RGSL1: variants seen among roughly 807,000 people sequenced by gnomAD.
RGSL1 encodes regulator of G protein signaling protein-like.
A neutral mutation model predicts 124.7 loss-of-function variants in RGSL1; 97 were observed. That is an observed-to-expected ratio of 0.78 (90% confidence interval 0.66 to 0.92). RGSL1 has a LOEUF of 0.92. Ranked by LOEUF, RGSL1 falls within the 40% of genes least tolerant of loss-of-function variation. RGSL1 has a pLI of 0.00. For missense variants in RGSL1, 1,233 were observed against 1,288.4 expected (o/e 0.96, Z 0.66); for synonymous variants, 424 against 438.1 (o/e 0.97, Z 0.40).
At chr1:182,553,571 T>C in intron 19 of RGSL1, 30 bp downstream of exon 19, 2 of 1,538,072 alleles carry the variant, frequency 1.3e-6, no homozygotes, top group Non-Finnish European at 1.8e-6. Flanking sequence ...CCACTGATAG[T>C]TTGCTACTCA....
intron 9 of RGSL1, 101 bp from the exon 10 acceptor site, chr1:182,521,903 T>C (rs1341275012): frequency 2.5e-6 from 2 of 791,714 alleles, no homozygotes; most frequent in African/African-American, 3.5e-5. Flanking sequence ...GGGACAGGGA[T>C]TTTTTCACAT....
At chr1:182,554,556 G>A in intron 19 of RGSL1, 71 bp from the exon 20 acceptor site, 1 of 1,352,762 alleles carries the variant, frequency 7.4e-7, no homozygotes, top group Non-Finnish European at 1.0e-6. Context: ...GGTCCTCCAG[G>A]GTGGAGGCCT....
In RGSL1 at chr1:182,525,463, G is replaced by A. The variant is rs548522898; in HGVS notation, c.1932-2116G>A. Among the ~76,000 whole-genome samples, 362 of 152,070 alleles carry A rather than the reference G, an allele frequency of 2.4e-3. 1 individual carries two copies. The highest frequency in any genetic ancestry group is 8.0e-3 in the African/African-American group (330 of 41,508). ...TGAGATAGAAATTATAAAATATAAT[G>A]AAAAAATCTGGAGTTGAAAAGTACA... On this transcript the variant is annotated intron_variant, in intron 10 of 21. Coordinates refer to ENST00000294854, the MANE Select transcript of RGSL1 (RefSeq NM_001137669.2).
intron 13 of RGSL1, among the ~76,000 whole-genome samples, chr1:182,531,864 G>T (rs1039698657): frequency 6.6e-6 from 1 of 152,144 alleles, no homozygotes; most frequent in African/African-American, 2.4e-5. Flanking sequence ...CAACCCTGAA[G>T]GCTATTGTTT....
chr1:182,475,845 C>G (rs1449001079), intron 6 of RGSL1, among the ~76,000 whole-genome samples: 1 of 152,148 alleles, frequency 6.6e-6, no homozygotes, highest in Non-Finnish European at 1.5e-5. Context: ...TAAAAAACAT[C>G]AAATTATTTA....
At chr1:182,462,838 T>TTC (rs1652957216) in intron 4 of RGSL1, among the ~76,000 whole-genome samples, 2 of 152,090 alleles carry the variant, frequency 1.3e-5, no homozygotes, top group African/African-American at 4.8e-5. Context: ...GCAAGGAAAA[T>TTC]AGCTACAGAA....
intron 4 of RGSL1, among the ~76,000 whole-genome samples, chr1:182,464,377 T>C (rs1441173700): frequency 2.6e-5 from 4 of 152,096 alleles, no homozygotes; most frequent in Admixed American, 1.3e-4. Context: ...AGATCAAAAA[T>C]TGGTCCTTTG....
intron 9 of RGSL1, among the ~76,000 whole-genome samples, chr1:182,509,380 T>G (rs1465518681): frequency 1.3e-4 from 2 of 15,654 alleles, no homozygotes; most frequent in Non-Finnish European, 1.9e-4. Context: ...CACTTCCCAG[T>G]AGGGGCGGCC....
intron 6 of RGSL1, among the ~76,000 whole-genome samples, chr1:182,487,750 C>T (rs1655199068): frequency 6.6e-6 from 1 of 152,190 alleles, no homozygotes; most frequent in African/African-American, 2.4e-5. Context: ...ACATAGGAGG[C>T]ATTCATAAAG....
chr1:182,449,968 A>G (rs1171999553), upstream of RGSL1, among the ~76,000 whole-genome samples: 3 of 152,204 alleles, frequency 2.0e-5, no homozygotes, highest in East Asian at 1.9e-4. Flanking sequence ...TGTATGTCCA[A>G]GGGGATTCAG....
chr1:182,463,536 T>A, intron 4 of RGSL1, among the ~76,000 whole-genome samples: 1 of 152,112 alleles, frequency 6.6e-6, no homozygotes, highest in East Asian at 1.9e-4. Flanking sequence ...TAGACTTTAT[T>A]TAATTTATTT....
chr1:182,537,322 T>A lies in RGSL1; in HGVS notation c.2495-2925T>A, dbSNP rs147033863. Among the ~76,000 whole-genome samples the A allele has an allele frequency of 1.7e-3, 266 of 152,332 alleles. 1 individual carries two copies. Among genetic ancestry groups the A allele is most frequent in the African/African-American group, 5.3e-3 (220 of 41,576 alleles). ...CTTAAGTCTATATGTATAAGGAGTA[T>A]ACAAACATAAATAAATTTCGTGTTT... On this transcript the variant is annotated intron_variant, in intron 14 of 21. Transcript: ENST00000294854.
chr1:182,511,782 A>C (rs1312422438), intron 9 of RGSL1, among the ~76,000 whole-genome samples: 1 of 152,210 alleles, frequency 6.6e-6, no homozygotes, highest in Non-Finnish European at 1.5e-5. Context: ...TCTCTGAAGA[A>C]TGTCATTGGT....
chr1:182,460,226 GTA>G lies in RGSL1; in HGVS notation c.301+95_301+96del, dbSNP rs142414312. 3.9e-3 allele frequency: 5,588 copies of G among 1,415,816 alleles called. 233 individuals carry two copies. The African/African-American group carries it at 0.075, about 19-fold the overall frequency. The allele number at this position is 1,415,816 out of a possible 1,614,324, so 87.7% of individuals were successfully genotyped here. ...CACACTTCATAATAATCTTATGCCT[GTA>G]TGTGTGTGTGTGTGTGTGTAGAAAT... On this transcript the variant is annotated intron_variant, in intron 4 of 21. Transcript: ENST00000294854.
In RGSL1 at chr1:182,474,468, C is replaced by T; in HGVS notation, c.1357C>T (p.Gln453Ter). 6.4e-7 allele frequency: 1 copy of T among 1,551,934 alleles called. No individual in the cohort carries two copies. The highest frequency in any genetic ancestry group is 1.2e-5 in the South Asian group (1 of 84,062). ...PCLPLKSQTI[Q>*]GLKELLPSGD... ...CTTACCACTCAAATCCCAAACCATT[C>T]AGGGCCTGAAGGAACTATTGCCCTC... Residue 453 changes from glutamine to a stop codon, truncating the protein, a stop_gained, in exon 6 of 22, where the codon CAG becomes TAG. Transcript: ENST00000294854. LOFTEE classifies it high-confidence loss of function.
chr1:182,527,731 A>G lies in RGSL1; in HGVS notation c.2084A>G (p.Glu695Gly). 6.4e-7 allele frequency: 1 copy of G among 1,551,106 alleles called. No homozygotes were observed. Among genetic ancestry groups the G allele is most frequent in the Non-Finnish European group, 8.7e-7 (1 of 1,146,680 alleles). Residue 695 changes from glutamate (E) to glycine (G), a missense_variant, in exon 11 of 22, where the codon GAA becomes GGA. Transcript: ENST00000294854. ...TNEKICKSLI[E>G]NVIKTFFQGQ... ...GAAAAGATTTGCAAGTCTCTCATAG[A>G]AAATGTAATCAAGACTTTCTTCCAA...
intron 8 of RGSL1, among the ~76,000 whole-genome samples, chr1:182,490,080 T>G (rs1052849423): frequency 6.6e-6 from 1 of 152,224 alleles, no homozygotes; most frequent in African/African-American, 2.4e-5. Context: ...ATACTTGCCC[T>G]TATTACATAA....
chr1:182,480,871 CA>C (rs902694110), intron 6 of RGSL1, among the ~76,000 whole-genome samples: 3 of 150,554 alleles, frequency 2.0e-5, no homozygotes, highest in African/African-American at 4.9e-5. Flanking sequence ...ACTAGTAGCT[CA>C]AAAAAAATCA....
At chr1:182,485,632 T>C (rs1362678524) in intron 6 of RGSL1, among the ~76,000 whole-genome samples, 3 of 152,198 alleles carry the variant, frequency 2.0e-5, no homozygotes, top group Admixed American at 6.5e-5. Flanking sequence ...TCTCTCATTG[T>C]ACAGCTGATG....
Sources: allele counts gnomAD v4.1 joint callset (sites outside exome capture counted in the v4.1 genomes callset), GRCh38; gene constraint gnomAD v4.1.1; transcripts MANE v1.5; gene names NCBI Gene and HGNC (gene_info 2026-07-23, HGNC 2026-07-21).